Variants in VPS13C observed in about 807,000 individuals in gnomAD.
VPS13C encodes the protein intermembrane lipid transfer protein VPS13C.
In VPS13C, 358 loss-of-function variants were observed where a neutral mutation model predicts 456.8. The observed-to-expected ratio is 0.78, with a 90% CI of 0.72 to 0.86. The LOEUF (loss-of-function observed/expected upper bound fraction) is 0.86, where lower values mean the gene tolerates loss of function less well. VPS13C is among the 40% of genes least tolerant of loss of function. The pLI is 0.00. For synonymous variants in VPS13C, 1,578 were observed against 1,486.7 expected (o/e 1.06, Z -1.41); for missense variants, 4,818 against 4,385.4 (o/e 1.10, Z -2.79).
At chr15:62,019,736 G>T (rs143509176) in intron 9 of VPS13C, among the ~76,000 whole-genome samples, 11,608 of 151,996 alleles carry the variant, frequency 0.076, 619 homozygotes, top group Middle Eastern at 0.16. Flanking sequence ...AATAGGTGAG[G>T]TGTGGTGCTG....
chr15:62,007,208 T>C (rs1470975098), intron 15 of VPS13C, 100 bp downstream of exon 15: 1 of 980,522 alleles, frequency 1.0e-6, no homozygotes, highest in Non-Finnish European at 1.3e-6. Context: ...AGGTGAATTC[T>C]GTTCTTCCTA....
chr15:61,969,623 T>C (rs1042497574), intron 27 of VPS13C, among the ~76,000 whole-genome samples, 171 bp from the exon 28 acceptor site: 2 of 152,176 alleles, frequency 1.3e-5, no homozygotes, highest in Non-Finnish European at 2.9e-5. Context: ...TTAAATTCTA[T>C]TGTTGAGAAT....
chr15:61,959,172 T>C (rs1413481429), intron 36 of VPS13C, among the ~76,000 whole-genome samples: 2 of 152,114 alleles, frequency 1.3e-5, no homozygotes, highest in African/African-American at 4.8e-5. Context: ...AAACAAAATG[T>C]ACATATATAA....
chr15:61,866,841 A>G, intron 81 of VPS13C: 1 of 974,710 alleles, frequency 1.0e-6, no homozygotes. Flanking sequence ...ACATAATCCA[A>G]CTGAACAATT....
chr15:61,857,858 T>G (rs1894006522), intron 82 of VPS13C, among the ~76,000 whole-genome samples: 1 of 152,156 alleles, frequency 6.6e-6, no homozygotes, highest in South Asian at 2.1e-4. Context: ...TGTGGAGAAC[T>G]GAAATAGATC....
intron 82 of VPS13C, among the ~76,000 whole-genome samples, chr15:61,862,411 CTAAGTATTACCAA>C (rs1404665021): frequency 6.6e-6 from 1 of 152,008 alleles, no homozygotes; most frequent in Non-Finnish European, 1.5e-5. Context: ...CAAATAGGTA[CTAAGTATTACCAA>C]TAAGTATTAC....
intron 54 of VPS13C, 50 bp from the exon 55 acceptor site, chr15:61,922,083 A>ATATT: frequency 5.1e-6 from 8 of 1,565,870 alleles, no homozygotes; most frequent in Middle Eastern, 1.7e-4. Context: ...CTTTAATTAC[A>ATATT]TATTTCTGTA....
At chr15:62,020,373 A>G (rs980657073) in intron 9 of VPS13C, 106 bp downstream of exon 9, 9 of 895,378 alleles carry the variant, frequency 1.0e-5, no homozygotes, top group Non-Finnish European at 1.4e-5. Flanking sequence ...ATATATTTAA[A>G]AAATCATAGT....
At chr15:61,895,250 T>A (rs1262358402) in intron 66 of VPS13C, among the ~76,000 whole-genome samples, 1 of 151,686 alleles carries the variant, frequency 6.6e-6, no homozygotes, top group South Asian at 2.1e-4. Context: ...AATGCCTATA[T>A]CAAAAAAGTA....
At chr15:61,919,192 T>C in intron 58 of VPS13C, 97 bp downstream of exon 58, 1 of 1,197,238 alleles carries the variant, frequency 8.4e-7, no homozygotes, top group Non-Finnish European at 1.2e-6. Flanking sequence ...TAATCAGAAT[T>C]GACCTGATGA....
At chr15:61,918,022 G>T in intron 59 of VPS13C, 114 bp downstream of exon 59, 1 of 1,069,746 alleles carries the variant, frequency 9.3e-7, no homozygotes, top group Non-Finnish European at 1.3e-6. Context: ...ACTAAATTAT[G>T]TCTTAAAACT....
chr15:62,038,684 G>A (rs112830203), intron 3 of VPS13C, among the ~76,000 whole-genome samples: 3,999 of 152,122 alleles, frequency 0.026, 191 homozygotes, highest in African/African-American at 0.091. Flanking sequence ...CAGAAAGGTA[G>A]AAAATATTTG....
At chr15:62,024,454 G>T (rs1266933891) in intron 6 of VPS13C, among the ~76,000 whole-genome samples, 1 of 151,914 alleles carries the variant, frequency 6.6e-6, no homozygotes, top group African/African-American at 2.4e-5. Flanking sequence ...CTGCATTCTG[G>T]CATTTACCAA....
At chr15:61,907,123 C>T in intron 66 of VPS13C, 141 bp downstream of exon 66, 3 of 1,239,940 alleles carry the variant, frequency 2.4e-6, no homozygotes, top group Non-Finnish European at 3.5e-6. Context: ...TATTTGCCAT[C>T]TAAAGTCCAA....
At chr15:61,944,621 C>T (rs2044543683) in intron 45 of VPS13C, among the ~76,000 whole-genome samples, 1 of 151,994 alleles carries the variant, frequency 6.6e-6, no homozygotes, top group African/African-American at 2.4e-5. Context: ...AAAAAAGACA[C>T]TGCGGACTAC....
At chr15:62,049,502 G>A (rs1020049921) in intron 1 of VPS13C, among the ~76,000 whole-genome samples, 5 of 152,190 alleles carry the variant, frequency 3.3e-5, no homozygotes, top group African/African-American at 1.2e-4. Context: ...TTTGGTTACT[G>A]TAGCCTTGCA....
intron 67 of VPS13C, among the ~76,000 whole-genome samples, chr15:61,886,062 A>C (rs1320138703): frequency 6.6e-6 from 1 of 152,176 alleles, no homozygotes; most frequent in Non-Finnish European, 1.5e-5. Flanking sequence ...TAATGGCCTT[A>C]AACGAGTTCA....
chr15:62,026,574 C>T (rs769153088), intron 6 of VPS13C, among the ~76,000 whole-genome samples: 1 of 151,946 alleles, frequency 6.6e-6, no homozygotes, highest in African/African-American at 2.4e-5. Context: ...ACCAAACAAC[C>T]AAATCTGAAT....
chr15:61,906,183 T>C (rs2043147245), intron 66 of VPS13C, among the ~76,000 whole-genome samples: 1 of 152,178 alleles, frequency 6.6e-6, no homozygotes, highest in Non-Finnish European at 1.5e-5. Context: ...CCCTGTCATG[T>C]CCACTTGGGC....
Sources: gnomAD v4.1 joint callset for allele counts (sites outside exome capture counted in the v4.1 genomes callset) on GRCh38, gnomAD v4.1.1 for gene constraint, MANE v1.5 for transcripts, NCBI Gene and HGNC (gene_info 2026-07-23, HGNC 2026-07-21) for gene names.